TMEM25: variants seen among roughly 807,000 people sequenced by gnomAD.
The protein encoded by TMEM25 is transmembrane protein 25.
Under a neutral mutation model 37.0 loss-of-function variants are expected in TMEM25, and 36 were observed. The ratio of observed to expected loss-of-function variants is 0.97; its 90% CI spans 0.75 to 1.28. The LOEUF (loss-of-function observed/expected upper bound fraction) is 1.28. TMEM25 is among the 50% of genes most tolerant of loss of function. TMEM25 has a pLI of 0.00. For missense variants in TMEM25, 444 were observed against 477.9 expected (o/e 0.93, Z 0.66); for synonymous variants, 197 against 203.7 (o/e 0.97, Z 0.28).
At chr11:118,531,531 G>A (rs1214802255) in intron 1 of TMEM25, 2 of 552,540 alleles carry the variant, frequency 3.6e-6, no homozygotes, top group African/African-American at 3.8e-5. Context: ...CTGCGGGTGT[G>A]TGCCTCTTTG....
Position 118,531,254 on chromosome 11 carries a change from G to C in TMEM25, c.-28+20G>C, listed in dbSNP as rs1951234609. ...AGCCAGGTGAGCCGCCCCGGTGGCG[G>C]GGGGCGGGGGCGGGATGCTCGGCGA... On this transcript the variant is annotated intron_variant, in intron 1 of 8. Coordinates refer to ENST00000313236, the MANE Select transcript of TMEM25 (RefSeq NM_032780.4). The C allele has an allele frequency of 2.6e-6, 1 of 379,234 alleles. No homozygotes were observed. Among genetic ancestry groups the C allele is most frequent in the African/African-American group, 2.2e-5 (1 of 45,616 alleles). 23.5% of individuals were successfully genotyped at this position (379,234 alleles called of 1,614,324 possible). A position where few individuals can be genotyped will look rare whatever the true frequency, so the allele number is the denominator to read the frequency against.
At chr11:118,532,092 C>T (rs1335411662) in intron 2 of TMEM25, 58 bp from the exon 3 acceptor site, 2 of 1,464,288 alleles carry the variant, frequency 1.4e-6, no homozygotes, top group East Asian at 2.5e-5. Context: ...AATTCCTGGT[C>T]ACAGCACAGT....
At chr11:118,545,087 T>A in intron 8 of TMEM25, 1 of 1,111,126 alleles carries the variant, frequency 9.0e-7, no homozygotes, top group Non-Finnish European at 1.3e-6. Flanking sequence ...ATTAATTTCT[T>A]TAAAATGAAC....
chr11:118,531,516 C>T (rs1951263783), intron 1 of TMEM25: 4 of 544,718 alleles, frequency 7.3e-6, no homozygotes, highest in African/African-American at 1.9e-5. Context: ...GTTGCTTCTG[C>T]GTATCTGCGG....
At chr11:118,538,402 C>T (rs782312430), downstream of TMEM25, among the ~76,000 whole-genome samples, 10 of 152,106 alleles carry the variant, frequency 6.6e-5, 1 homozygote, top group South Asian at 8.3e-4. Context: ...CTCCTGACCT[C>T]GTGATCTGCC....
At chr11:118,545,580 G>T in intron 8 of TMEM25, 1 of 1,221,240 alleles carries the variant, frequency 8.2e-7, no homozygotes, top group Non-Finnish European at 1.2e-6. Flanking sequence ...CAAAGCCCTG[G>T]CAGATGGGGT....
downstream of TMEM25, among the ~76,000 whole-genome samples, chr11:118,536,024 C>T (rs948391714): frequency 3.4e-5 from 5 of 149,120 alleles, no homozygotes. Flanking sequence ...ACTGTAGACG[C>T]CTACCACCAC....
chr11:118,546,513 G>C (rs2135468925), downstream of TMEM25: 5 of 196,630 alleles, frequency 2.5e-5, no homozygotes, highest in Non-Finnish European at 4.2e-5. Flanking sequence ...AGGGAGGGAG[G>C]GAATCAACCA....
chr11:118,533,468 C>T lies in TMEM25; in HGVS notation c.722C>T (p.Ala241Val). The T allele has an allele frequency of 1.9e-6, 3 of 1,614,196 alleles. No individual in the cohort carries two copies. The highest frequency in any genetic ancestry group is 2.5e-6 in the Non-Finnish European group (3 of 1,180,026). The change falls in exon 5 of 9, where the codon GCT (alanine) becomes GTT (valine). Residue 241 changes from alanine to valine, a missense_variant. Coordinates refer to ENST00000313236, the MANE Select transcript of TMEM25 (RefSeq NM_032780.4). ...GTGCCACTGCTGGGCATTGTTGTGG[C>T]TGCTGGGCTTGCACTGGGCACCCTC... is the stretch of plus-strand genomic sequence containing the variant. ...VEVPLLGIVV[A>V]AGLALGTLVG... is the part of the protein sequence containing the mutation.
chr11:118,534,119 A>G lies in TMEM25; in HGVS notation c.927A>G (p.Pro309=). The G allele has an allele frequency of 1.2e-6, 2 of 1,614,102 alleles. No homozygotes were observed. Among genetic ancestry groups the G allele is most frequent in the Non-Finnish European group, 8.5e-7 (1 of 1,179,950 alleles). ...PSNLQLNDLT[P]DSRAVKPADR... Reference sequence around the variant, plus strand: ...ACCTTCAGCTCAATGACCTCACTCCAGATTCCAGAGGTATATCTAGGGCCC... The same window carrying G: ...ACCTTCAGCTCAATGACCTCACTCCGGATTCCAGAGGTATATCTAGGGCCC... The change falls in exon 7 of 9, where the codon CCA becomes CCG. Residue 309 remains proline (P), a synonymous_variant. Coordinates refer to ENST00000313236, the MANE Select transcript of TMEM25 (RefSeq NM_032780.4). The surrounding 1 kb of genome is among the most constrained non-coding windows in gnomAD (Gnocchi z 4.6).
In TMEM25 at chr11:118,545,464, C is replaced by T. The variant is rs142818469; in HGVS notation, c.1028-655C>T. ...AAAGAGCAGATGGAGGGACTGGATCCGACTCTTGTAGACAGGGATGTCTAG... is the reference window on the plus strand; with the variant it reads ...AAAGAGCAGATGGAGGGACTGGATCTGACTCTTGTAGACAGGGATGTCTAG... On this transcript the variant is annotated intron_variant, in intron 8 of 8. Coordinates refer to the TMEM25 transcript ENST00000354284. The T allele has an allele frequency of 4.0e-5, 64 of 1,613,650 alleles. No homozygotes were observed. The highest frequency in any genetic ancestry group is 3.8e-4 in the Admixed American group (23 of 59,982).
At chr11:118,543,467 C>T (rs1480642058) in intron 8 of TMEM25, among the ~76,000 whole-genome samples, 1 of 152,114 alleles carries the variant, frequency 6.6e-6, no homozygotes, top group Non-Finnish European at 1.5e-5. Context: ...CTCTACAACA[C>T]TTTTGTAACC....
downstream of TMEM25, among the ~76,000 whole-genome samples, chr11:118,537,391 G>A (rs950070890): frequency 6.6e-6 from 1 of 152,066 alleles, no homozygotes; most frequent in African/African-American, 2.4e-5. Context: ...CCAGGCTGGT[G>A]TGACATGTGT....
rs963321539 is a variant in TMEM25, at chr11:118,535,089, C to G, written c.*509C>G. ...TGCTAGCTGTGCAGAACCCAATTGC[C>G]CTTTGCACAGAAACCAACCCCTGAC... is the stretch of plus-strand genomic sequence containing the variant. On this transcript the variant is annotated 3_prime_UTR_variant, in exon 9 of 9. Transcript: ENST00000313236. The G allele has an allele frequency of 5.5e-5, 56 of 1,020,006 alleles. No individual in the cohort carries two copies. Among genetic ancestry groups the G allele is most frequent in the Middle Eastern group, 4.8e-4 (1 of 2,066 alleles). 63.2% of individuals were successfully genotyped at this position (1,020,006 alleles called of 1,614,324 possible).
rs782762698 is a variant in TMEM25 at position 118,534,605 on chromosome 11, T to C, written c.*25T>C. On this transcript the variant is annotated 3_prime_UTR_variant, in exon 9 of 9. Coordinates refer to ENST00000313236, the MANE Select transcript of TMEM25 (RefSeq NM_032780.4). This position sits in a 1 kb window ranked among gnomAD's most constrained non-coding sequence, Gnocchi z 4.6. The stretch of plus-strand genomic sequence containing the variant: ...AGCCGAGGGCGAGACAGGAGTATTC[T>C]CTTGGCCTCTGGACACCCTCCCGTT... 2 of 1,612,788 alleles carry C rather than the reference T, an allele frequency of 1.2e-6. No individual in the cohort carries two copies. Among genetic ancestry groups the C allele is most frequent in the African/African-American group, 1.3e-5 (1 of 74,906 alleles).
downstream of TMEM25, among the ~76,000 whole-genome samples, chr11:118,538,482 T>C (rs1183786212): frequency 3.3e-5 from 5 of 152,070 alleles, no homozygotes; most frequent in Non-Finnish European, 5.9e-5. Context: ...TTTTTAATAA[T>C]AGCCGTTCTG....
chr11:118,537,023 T>C (rs1951519054), downstream of TMEM25, among the ~76,000 whole-genome samples: 1 of 152,026 alleles, frequency 6.6e-6, no homozygotes, highest in Non-Finnish European at 1.5e-5. Context: ...TGCAGGTGTG[T>C]GCCATTGTGC....
chr11:118,535,912 C>G, downstream of TMEM25: 3 of 959,202 alleles, frequency 3.1e-6, no homozygotes, highest in Non-Finnish European at 3.8e-6. Flanking sequence ...GAGTCTCACT[C>G]TGTCGCCCAG....
At chr11:118,543,547 G>A (rs1555066250) in intron 8 of TMEM25, among the ~76,000 whole-genome samples, 4 of 150,428 alleles carry the variant, frequency 2.7e-5, no homozygotes, top group Non-Finnish European at 5.9e-5. Flanking sequence ...GAGTGCAGTG[G>A]CGCGATCTTG....
Sources: allele counts gnomAD v4.1 joint callset (sites outside exome capture counted in the v4.1 genomes callset), GRCh38; gene constraint gnomAD v4.1.1; non-coding constraint Gnocchi (gnomAD v3.1); transcripts MANE v1.5; gene names NCBI Gene and HGNC (gene_info 2026-07-23, HGNC 2026-07-21).